HS6ST3: variants seen among roughly 807,000 people sequenced by gnomAD.
HS6ST3 encodes the protein heparan-sulfate 6-O-sulfotransferase 3.
HS6ST3 carries 12 observed loss-of-function variants against 36.7 expected under a neutral mutation model. The observed-to-expected ratio is 0.33, with a 90% CI of 0.21 to 0.53. The LOEUF (loss-of-function observed/expected upper bound fraction) is 0.53. Among genes scored for constraint, HS6ST3 ranks in the 20% least tolerant of loss-of-function variants. The pLI is 0.95. For synonymous variants in HS6ST3, 240 were observed against 257.5 expected (o/e 0.93, Z 0.65); for missense variants, 584 against 640.9 (o/e 0.91, Z 0.96).
chr13:96,224,579 T>G (rs1276355778), intron 1 of HS6ST3, among the ~76,000 whole-genome samples: 1 of 152,218 alleles, frequency 6.6e-6, no homozygotes, highest in African/African-American at 2.4e-5. Flanking sequence ...CCTCCCAAAG[T>G]GCTAGGATTA....
rs189016541 is a variant in HS6ST3, at chr13:96,174,411, A to G, written c.707+82842A>G. 1.2e-3 allele frequency among the ~76,000 whole-genome samples: 178 copies of G among 152,144 alleles called. 1 individual carries two copies. Among genetic ancestry groups the G allele is most frequent in the Middle Eastern group, 6.8e-3 (2 of 294 alleles). ...AATTTTTTAGGTATTTAATTAATTT[A>G]TTTATTGAGATGGGGTCTTACTATG... On this transcript the variant is annotated intron_variant, in intron 1 of 1. Coordinates refer to ENST00000376705, the MANE Select transcript of HS6ST3 (RefSeq NM_153456.4).
chr13:96,155,598 T>A (rs75230865), intron 1 of HS6ST3, among the ~76,000 whole-genome samples: 30 of 126,470 alleles, frequency 2.4e-4, no homozygotes, highest in Admixed American at 4.8e-4. Context: ...GATTTTTTTT[T>A]AAAAAAGGCT....
chr13:96,730,510 C>A (rs553525563), intron 1 of HS6ST3, among the ~76,000 whole-genome samples: 5 of 152,190 alleles, frequency 3.3e-5, no homozygotes, highest in South Asian at 2.1e-4. Flanking sequence ...CCACAAAAAT[C>A]TTTTCGTGTG....
chr13:96,354,421 A>T (rs2055199768), intron 1 of HS6ST3, among the ~76,000 whole-genome samples: 1 of 152,164 alleles, frequency 6.6e-6, no homozygotes, highest in South Asian at 2.1e-4. Context: ...TGGGAAAAAA[A>T]ATCTTAATTT....
intron 1 of HS6ST3, among the ~76,000 whole-genome samples, chr13:96,101,971 C>T (rs1327509106): frequency 6.6e-6 from 1 of 152,106 alleles, no homozygotes; most frequent in Non-Finnish European, 1.5e-5. Flanking sequence ...AAAAAAGTTG[C>T]CTGCGGAATT....
chr13:96,733,812 T>C lies in HS6ST3; in HGVS notation c.708-98678T>C, dbSNP rs548475531. 1.4e-4 allele frequency among the ~76,000 whole-genome samples: 22 copies of C among 152,290 alleles called. No individual in the cohort carries two copies. The South Asian group carries it at 3.3e-3, about 23-fold the overall frequency. On this transcript the variant is annotated intron_variant, in intron 1 of 1. Transcript: ENST00000376705. ...ACAGAAGGTAGTTCTGTCCCATTGTTTAAGAGAGACCTTTGATTGGCTTCC... is the reference window on the plus strand; with the variant it reads ...ACAGAAGGTAGTTCTGTCCCATTGTCTAAGAGAGACCTTTGATTGGCTTCC...
chr13:96,341,638 T>G (rs1488282710), intron 1 of HS6ST3, among the ~76,000 whole-genome samples: 2 of 152,144 alleles, frequency 1.3e-5, no homozygotes, highest in African/African-American at 4.8e-5. Context: ...GGGTGTCCAC[T>G]TAAGTGGAAA....
At chr13:96,100,482 G>A (rs1300745218) in intron 1 of HS6ST3, among the ~76,000 whole-genome samples, 2 of 152,172 alleles carry the variant, frequency 1.3e-5, no homozygotes, top group African/African-American at 4.8e-5. Context: ...AACCCCATTG[G>A]ATGTGAAGAG....
intron 1 of HS6ST3, among the ~76,000 whole-genome samples, chr13:96,702,972 A>G (rs1875327577): frequency 6.6e-6 from 1 of 152,250 alleles, no homozygotes; most frequent in Admixed American, 6.5e-5. Context: ...TATGCTCTAT[A>G]ACTTTGGGCT....
intron 1 of HS6ST3, among the ~76,000 whole-genome samples, chr13:96,586,677 T>G (rs2056362701): frequency 1.3e-5 from 2 of 152,202 alleles, no homozygotes; most frequent in African/African-American, 4.8e-5. Context: ...ATTCAGTTGT[T>G]TGGGTTCCTT....
chr13:96,113,850 T>C (rs568221156), intron 1 of HS6ST3, among the ~76,000 whole-genome samples: 9 of 152,130 alleles, frequency 5.9e-5, no homozygotes, highest in South Asian at 2.1e-4. Flanking sequence ...TTATTTATAA[T>C]GGCAAAAAGT....
intron 1 of HS6ST3, among the ~76,000 whole-genome samples, chr13:96,769,516 A>G (rs1877205607): frequency 1.4e-5 from 2 of 144,214 alleles, no homozygotes; most frequent in Middle Eastern, 7.3e-3. Flanking sequence ...GCAGACATAC[A>G]TTCTATGCCT....
chr13:96,759,097 A>G (rs571573412), intron 1 of HS6ST3, among the ~76,000 whole-genome samples: 16 of 151,830 alleles, frequency 1.1e-4, no homozygotes, highest in Admixed American at 2.6e-4. Flanking sequence ...ACTTTGTCTT[A>G]CATTGATATA....
intron 1 of HS6ST3, among the ~76,000 whole-genome samples, chr13:96,226,567 C>A (rs992159004): frequency 6.6e-6 from 1 of 152,104 alleles, no homozygotes; most frequent in Non-Finnish European, 1.5e-5. Flanking sequence ...ATTATAATAT[C>A]TTTTGTTTTG....
At chr13:96,521,950 C>G (rs997538525) in intron 1 of HS6ST3, among the ~76,000 whole-genome samples, 28 of 152,022 alleles carry the variant, frequency 1.8e-4, no homozygotes, top group Non-Finnish European at 3.7e-4. Context: ...GTTAGGGTGT[C>G]GATTTTCGAT....
intron 1 of HS6ST3, among the ~76,000 whole-genome samples, chr13:96,332,002 C>G (rs947810092): frequency 6.6e-6 from 1 of 152,252 alleles, no homozygotes; most frequent in Non-Finnish European, 1.5e-5. Flanking sequence ...TGACCCCTTG[C>G]GCTTCCCAAG....
intron 1 of HS6ST3, among the ~76,000 whole-genome samples, chr13:96,579,021 A>G (rs1269063577): frequency 6.6e-6 from 1 of 152,148 alleles, no homozygotes; most frequent in Non-Finnish European, 1.5e-5. Flanking sequence ...TGCACAATTA[A>G]ATTATTTCCA....
chr13:96,188,378 G>GGATTA (rs2054274212), intron 1 of HS6ST3, among the ~76,000 whole-genome samples: 1 of 152,126 alleles, frequency 6.6e-6, no homozygotes, highest in Non-Finnish European at 1.5e-5. Flanking sequence ...ACTTTGGTAG[G>GGATTA]CCAAAGCTGG....
intron 1 of HS6ST3, among the ~76,000 whole-genome samples, chr13:96,330,166 C>G (rs1255112422): frequency 7.1e-6 from 1 of 141,448 alleles, no homozygotes; most frequent in South Asian, 2.4e-4. Flanking sequence ...TTAATTGGAG[C>G]ATTTAGTCCA....
Sources: gnomAD v4.1 joint callset for allele counts (sites outside exome capture counted in the v4.1 genomes callset) on GRCh38, gnomAD v4.1.1 for gene constraint, MANE v1.5 for transcripts, NCBI Gene and HGNC (gene_info 2026-07-23, HGNC 2026-07-21) for gene names.